Variants in KCNIP4 observed in about 807,000 individuals in gnomAD.
KCNIP4 encodes Kv channel-interacting protein 4.
A neutral mutation model predicts 34.0 loss-of-function variants in KCNIP4; 12 were observed. That is an observed-to-expected ratio of 0.35 (90% CI 0.23 to 0.57). KCNIP4 has a LOEUF of 0.57. KCNIP4 is among the 20% of genes least tolerant of loss of function. KCNIP4 has a pLI of 0.83. For missense variants in KCNIP4, 238 were observed against 311.7 expected, an observed-to-expected ratio of 0.76 and a Z score of 1.78; for synonymous variants, 124 against 102.2, an observed-to-expected ratio of 1.21 and a Z score of -1.29.
chr4:21,544,873 G>C (rs1041614783), intron 1 of KCNIP4, among the ~76,000 whole-genome samples: 1 of 151,506 alleles, frequency 6.6e-6, no homozygotes, highest in East Asian at 2.0e-4. Flanking sequence ...AATCTTTCTG[G>C]CTTGTTCTTC....
chr4:21,394,853 T>C (rs1382856732), intron 1 of KCNIP4, among the ~76,000 whole-genome samples: 1 of 152,198 alleles, frequency 6.6e-6, no homozygotes, highest in Non-Finnish European at 1.5e-5. Context: ...TTGACACTTC[T>C]CCTTTAATGA....
At chr4:21,687,086 G>T (rs1356159198) in intron 1 of KCNIP4, among the ~76,000 whole-genome samples, 3 of 139,714 alleles carry the variant, frequency 2.1e-5, no homozygotes, top group Non-Finnish European at 4.6e-5. Context: ...ACCAAACACC[G>T]CATATTCTCA....
chr4:21,628,207 C>A (rs566235562), intron 1 of KCNIP4, among the ~76,000 whole-genome samples: 1 of 151,354 alleles, frequency 6.6e-6, no homozygotes, highest in Non-Finnish European at 1.5e-5. Flanking sequence ...TTCCTTTCAA[C>A]CTGCTTCTTT....
At chr4:21,684,265 A>G (rs1750643729) in intron 1 of KCNIP4, among the ~76,000 whole-genome samples, 1 of 152,192 alleles carries the variant, frequency 6.6e-6, no homozygotes, top group South Asian at 2.1e-4. Flanking sequence ...CTGATTTCAC[A>G]TTTCCCATGA....
intron 1 of KCNIP4, among the ~76,000 whole-genome samples, chr4:21,333,510 T>C (rs1231049224): frequency 6.6e-6 from 1 of 152,056 alleles, no homozygotes; most frequent in East Asian, 1.9e-4. Context: ...ATTTAATTAA[T>C]GTGAAAAGCA....
chr4:21,346,495 C>T (rs1422899099), intron 1 of KCNIP4, among the ~76,000 whole-genome samples: 3 of 150,842 alleles, frequency 2.0e-5, no homozygotes, highest in Non-Finnish European at 2.9e-5. Flanking sequence ...CTCACACTAA[C>T]AAATAGGATT....
At chr4:21,197,893 T>A (rs185672755) in intron 1 of KCNIP4, among the ~76,000 whole-genome samples, 3 of 152,320 alleles carry the variant, frequency 2.0e-5, no homozygotes, top group East Asian at 3.9e-4. Flanking sequence ...CAAGTATGCT[T>A]GAGTTTCAGT....
At chr4:21,083,635 C>A (rs1746187517) in intron 1 of KCNIP4, among the ~76,000 whole-genome samples, 1 of 151,748 alleles carries the variant, frequency 6.6e-6, no homozygotes, top group Non-Finnish European at 1.5e-5. Context: ...CCTGGAATTA[C>A]CAGAAGCTGG....
At chr4:21,941,023 C>A (rs1326040869) in intron 1 of KCNIP4, among the ~76,000 whole-genome samples, 1 of 152,114 alleles carries the variant, frequency 6.6e-6, no homozygotes, top group South Asian at 2.1e-4. Flanking sequence ...AAGGTATGGG[C>A]TAGGCCATTT....
At chr4:20,748,201 A>G (rs1013223264) in intron 5 of KCNIP4, among the ~76,000 whole-genome samples, 4 of 152,002 alleles carry the variant, frequency 2.6e-5, no homozygotes, top group African/African-American at 9.7e-5. Context: ...TCTGGCCTCT[A>G]TCTCCTTCCC....
At chr4:20,911,685 T>C (rs1463602671) in intron 1 of KCNIP4, among the ~76,000 whole-genome samples, 1 of 152,214 alleles carries the variant, frequency 6.6e-6, no homozygotes, top group African/African-American at 2.4e-5. Context: ...CTATTCCTTT[T>C]CGCTGTTATA....
intron 5 of KCNIP4, among the ~76,000 whole-genome samples, chr4:20,746,358 A>G (rs1052928544): frequency 2.0e-5 from 3 of 151,348 alleles, no homozygotes; most frequent in African/African-American, 7.3e-5. Flanking sequence ...AACATCACAC[A>G]CCAGGGCATG....
intron 1 of KCNIP4, among the ~76,000 whole-genome samples, chr4:21,242,566 A>G (rs957064034): frequency 2.0e-5 from 3 of 152,110 alleles, no homozygotes; most frequent in South Asian, 4.1e-4. Flanking sequence ...GCCACCTCCA[A>G]TGTGTTTGGG....
At chr4:21,499,828 C>A (rs918781916) in intron 1 of KCNIP4, among the ~76,000 whole-genome samples, 2 of 152,098 alleles carry the variant, frequency 1.3e-5, no homozygotes, top group African/African-American at 2.4e-5. Flanking sequence ...ATAAATGTAA[C>A]CAATACTTCA....
At chr4:21,462,674 G>A (rs1183086128) in intron 1 of KCNIP4, among the ~76,000 whole-genome samples, 3 of 151,266 alleles carry the variant, frequency 2.0e-5, no homozygotes, top group African/African-American at 7.3e-5. Context: ...TCTGTGTTAG[G>A]TTTATTTCAG....
At position 21,282,998 on chromosome 4, in the gene KCNIP4, A is replaced by C. The variant is rs530610710; in HGVS notation, c.62-400289T>G. ...ACTCATAGAAGGGATACTATTTAGC[A>C]ATAAAAGACTGAATTACTCACATGT... On this transcript the variant is annotated intron_variant, in intron 1 of 8. Transcript: ENST00000382152. 2.0e-5 allele frequency among the ~76,000 whole-genome samples: 3 copies of C among 152,334 alleles called. No homozygotes were observed. In the East Asian group the frequency reaches 5.8e-4, roughly 29 times the overall value.
At chr4:21,206,365 T>G (rs1756852653) in intron 1 of KCNIP4, among the ~76,000 whole-genome samples, 1 of 152,208 alleles carries the variant, frequency 6.6e-6, no homozygotes. Flanking sequence ...TGACCCTTCC[T>G]GAGAGTCAAA....
intron 1 of KCNIP4, among the ~76,000 whole-genome samples, chr4:21,226,354 AGAAGGAAGGAAG>A (rs778357072): frequency 7.4e-5 from 10 of 135,832 alleles, no homozygotes; most frequent in Admixed American, 2.2e-4. Flanking sequence ...GAGAAGGAAG[AGAAGGAAGGAAG>A]GAAGGAAGGA....
At chr4:21,879,450 T>G (rs1170434178) in intron 1 of KCNIP4, among the ~76,000 whole-genome samples, 1 of 152,250 alleles carries the variant, frequency 6.6e-6, no homozygotes, top group African/African-American at 2.4e-5. Flanking sequence ...GGCTGCCCCC[T>G]TCAGGCAAGC....
Sources: allele counts gnomAD v4.1 joint callset (sites outside exome capture counted in the v4.1 genomes callset), GRCh38; gene constraint gnomAD v4.1.1; transcripts MANE v1.5; gene names NCBI Gene and HGNC (gene_info 2026-07-23, HGNC 2026-07-21).